GALNTL6: variants seen among roughly 807,000 people sequenced by gnomAD.
GALNTL6 encodes polypeptide N-acetylgalactosaminyltransferase like 6.
Under a neutral mutation model 73.7 loss-of-function variants are expected in GALNTL6, and 46 were observed. The observed-to-expected ratio is 0.62, with a 90% CI of 0.49 to 0.80. The LOEUF (loss-of-function observed/expected upper bound fraction) is 0.80. Ranked by LOEUF, GALNTL6 falls within the 30% of genes least tolerant of loss-of-function variation. The pLI is 0.00. For synonymous variants in GALNTL6, 259 were observed against 263.7 expected (o/e 0.98, Z 0.17); for missense variants, 604 against 755.0 (o/e 0.80, Z 2.34).
chr4:171,862,594 G>A (rs1461198442), intron 2 of GALNTL6, among the ~76,000 whole-genome samples: 1 of 151,862 alleles, frequency 6.6e-6, no homozygotes, highest in African/African-American at 2.4e-5. Flanking sequence ...ACTAGACCAA[G>A]GCTTTTTTTA....
At position 172,507,414 on chromosome 4, in the gene GALNTL6, C is replaced by T. The variant is rs1394288990; in HGVS notation, c.553+158725C>T. Among the ~76,000 whole-genome samples, 2 of 53,588 alleles carry T rather than the reference C, an allele frequency of 3.7e-5. 1 individual carries two copies. The highest frequency in any genetic ancestry group is 9.4e-5 in the African/African-American group (2 of 21,330). 35.2% of individuals were successfully genotyped at this position (53,588 alleles called of 152,430 possible). On this transcript the variant is annotated intron_variant, in intron 5 of 12. Coordinates refer to ENST00000506823, the MANE Select transcript of GALNTL6 (RefSeq NM_001034845.3). ...GGGAGGCAGAAGGGCAGAAGAAGGT[C>T]GGGAAAAAACCTCTGAGGCTGTTTA...
intron 2 of GALNTL6, among the ~76,000 whole-genome samples, chr4:172,138,477 C>CTATA (rs1414149880): frequency 0.022 from 189 of 8,672 alleles, 11 homozygotes; most frequent in African/African-American, 0.036. Flanking sequence ...CTTGGACTGC[C>CTATA]TATATATATA....
intron 2 of GALNTL6, among the ~76,000 whole-genome samples, chr4:171,823,482 A>AT (rs1203077680): frequency 1.3e-5 from 2 of 151,860 alleles, no homozygotes; most frequent in South Asian, 4.1e-4. Context: ...GATGTCTGAG[A>AT]TTTTTTTCCC....
chr4:171,890,970 G>A (rs1472303311), intron 2 of GALNTL6, among the ~76,000 whole-genome samples: 1 of 152,116 alleles, frequency 6.6e-6, no homozygotes, highest in Non-Finnish European at 1.5e-5. Context: ...TTACAATAAA[G>A]GTCACATTCT....
chr4:172,063,967 G>A (rs1247452028), intron 2 of GALNTL6, among the ~76,000 whole-genome samples: 1 of 152,146 alleles, frequency 6.6e-6, no homozygotes, highest in Non-Finnish European at 1.5e-5. Flanking sequence ...TATGTTAAAT[G>A]AGTGGCCCAC....
At chr4:172,075,728 C>G (rs931319046) in intron 2 of GALNTL6, among the ~76,000 whole-genome samples, 1 of 152,062 alleles carries the variant, frequency 6.6e-6, no homozygotes, top group Admixed American at 6.6e-5. Flanking sequence ...CCCTTCTGCT[C>G]TAATACCCTG....
At chr4:171,844,547 A>G (rs1735322152) in intron 2 of GALNTL6, among the ~76,000 whole-genome samples, 1 of 152,068 alleles carries the variant, frequency 6.6e-6, no homozygotes. Context: ...TGAGGTTTGG[A>G]AGAGCTTTAG....
chr4:172,024,290 T>C (rs771589757), intron 2 of GALNTL6, among the ~76,000 whole-genome samples: 8 of 151,882 alleles, frequency 5.3e-5, no homozygotes, highest in Non-Finnish European at 1.0e-4. Flanking sequence ...GCAAGAGTCA[T>C]GCTTCATTCA....
At chr4:171,910,299 G>T (rs1391916576) in intron 2 of GALNTL6, among the ~76,000 whole-genome samples, 3 of 151,798 alleles carry the variant, frequency 2.0e-5, no homozygotes, top group African/African-American at 7.3e-5. Context: ...TCAATGTTTT[G>T]AAAGTAGGTT....
intron 2 of GALNTL6, among the ~76,000 whole-genome samples, chr4:171,935,715 G>A (rs779770750): frequency 1.3e-5 from 2 of 152,104 alleles, no homozygotes; most frequent in Non-Finnish European, 2.9e-5. Flanking sequence ...TTTACCACAT[G>A]CATCAGCCTT....
intron 5 of GALNTL6, among the ~76,000 whole-genome samples, chr4:172,428,146 A>G (rs1484268254): frequency 1.3e-5 from 2 of 152,130 alleles, no homozygotes; most frequent in East Asian, 3.9e-4. Flanking sequence ...TTAAACCAAA[A>G]TTTTTAGTAT....
At chr4:172,269,119 A>G (rs986387278) in intron 3 of GALNTL6, among the ~76,000 whole-genome samples, 1 of 152,128 alleles carries the variant, frequency 6.6e-6, no homozygotes, top group African/African-American at 2.4e-5. Flanking sequence ...CTGACCAGTA[A>G]AAATAAATTG....
chr4:171,898,995 T>C (rs1466494689), intron 2 of GALNTL6, among the ~76,000 whole-genome samples: 2 of 146,094 alleles, frequency 1.4e-5, no homozygotes, highest in African/African-American at 5.1e-5. Context: ...CAGCATATAT[T>C]TAGTGAATAC....
At chr4:172,089,203 A>G (rs951551560) in intron 2 of GALNTL6, among the ~76,000 whole-genome samples, 38 of 152,178 alleles carry the variant, frequency 2.5e-4, no homozygotes, top group African/African-American at 9.2e-4. Flanking sequence ...CAGGCAAACA[A>G]ATCTTTATTA....
chr4:172,369,675 T>A lies in GALNTL6; in HGVS notation c.553+20986T>A, dbSNP rs1392752247. Among the ~76,000 whole-genome samples, 4 of 152,168 alleles carry A rather than the reference T, an allele frequency of 2.6e-5. No homozygotes were observed. The South Asian group carries it at 8.3e-4, about 31-fold the overall frequency. On this transcript the variant is annotated intron_variant, in intron 5 of 12. Coordinates refer to ENST00000506823, the MANE Select transcript of GALNTL6 (RefSeq NM_001034845.3). ...CGTGGCATGGGCAGGCCGGCAGTGC[T>A]GGGTTACCTGGTGCACCCTCTGCAG...
chr4:172,305,005 T>A (rs1322429315), intron 3 of GALNTL6, among the ~76,000 whole-genome samples: 1 of 152,200 alleles, frequency 6.6e-6, no homozygotes, highest in East Asian at 1.9e-4. Context: ...ACAAATATGT[T>A]ACCATATCAC....
intron 5 of GALNTL6, among the ~76,000 whole-genome samples, chr4:172,631,892 T>C (rs989564727): frequency 8.5e-5 from 13 of 152,222 alleles, no homozygotes; most frequent in Non-Finnish European, 1.9e-4. Flanking sequence ...ATAATGGAAT[T>C]AACACTGTAA....
chr4:172,863,808 G>A (rs920512423), intron 7 of GALNTL6, among the ~76,000 whole-genome samples: 1 of 152,124 alleles, frequency 6.6e-6, no homozygotes. Context: ...AATGAGATTT[G>A]GGAGGAGCCA....
chr4:172,550,709 A>G (rs1735925091), intron 5 of GALNTL6, among the ~76,000 whole-genome samples: 1 of 152,076 alleles, frequency 6.6e-6, no homozygotes. Context: ...GCCATCCCCC[A>G]GCCTCAGCCT....
Sources: allele counts gnomAD v4.1 joint callset (sites outside exome capture counted in the v4.1 genomes callset), GRCh38; gene constraint gnomAD v4.1.1; transcripts MANE v1.5; gene names NCBI Gene and HGNC (gene_info 2026-07-23, HGNC 2026-07-21).